PLEKHH1: variants seen among roughly 807,000 people sequenced by gnomAD.
PLEKHH1 encodes the protein pleckstrin homology domain-containing family H member 1.
A neutral mutation model predicts 160.0 loss-of-function variants in PLEKHH1; 104 were observed. That is an observed-to-expected ratio of 0.65 (90% confidence interval 0.55 to 0.76). The LOEUF is 0.76. PLEKHH1 is among the 30% of genes least tolerant of loss of function. The pLI, the probability that PLEKHH1 is intolerant of heterozygous loss-of-function variation, is 0.00. For synonymous variants in PLEKHH1, 619 were observed against 678.4 expected (o/e 0.91, Z 1.36); for missense variants, 1,427 against 1,724.1 (o/e 0.83, Z 3.05).
At chr14:67,551,854 C>T (rs538279877) in intron 2 of PLEKHH1, among the ~76,000 whole-genome samples, 4 of 151,582 alleles carry the variant, frequency 2.6e-5, no homozygotes, top group African/African-American at 4.8e-5. Context: ...CCAGCCTGGG[C>T]GACACAGTGA....
chr14:67,575,201 T>C (rs1252061675), intron 14 of PLEKHH1, among the ~76,000 whole-genome samples, 191 bp from the exon 15 acceptor site: 1 of 152,110 alleles, frequency 6.6e-6, no homozygotes, highest in African/African-American at 2.4e-5. Context: ...TAGCCCATGA[T>C]GGCTGGGGTG....
Position 67,589,484 on chromosome 14 carries a change from G to A in PLEKHH1, c.*2249G>A. ...TATTAATGTGCTTGACACCATGACTGAAATACTATGATCTTGTTTGTCAAT... is the reference window on the plus strand; with the variant it reads ...TATTAATGTGCTTGACACCATGACTAAAATACTATGATCTTGTTTGTCAAT... On this transcript the variant is annotated 3_prime_UTR_variant, in exon 29 of 29. Coordinates refer to ENST00000329153, the MANE Select transcript of PLEKHH1 (RefSeq NM_020715.3). 1 of 984,840 alleles carries A rather than the reference G, an allele frequency of 1.0e-6. No homozygotes were observed. Among genetic ancestry groups the A allele is most frequent in the Non-Finnish European group, 1.2e-6 (1 of 829,418 alleles). The allele number at this position is 984,840 out of a possible 1,614,324, so 61.0% of individuals were successfully genotyped here.
intron 5 of PLEKHH1, 56 bp from the exon 6 acceptor site, chr14:67,561,898 A>G: frequency 1.6e-6 from 2 of 1,289,070 alleles, no homozygotes; most frequent in Non-Finnish European, 1.1e-6. Context: ...AATTGAAAAA[A>G]TACATCTAAA....
chr14:67,561,872 A>G, intron 5 of PLEKHH1, 82 bp from the exon 6 acceptor site: 1 of 640,058 alleles, frequency 1.6e-6, no homozygotes. Context: ...CCTGTCTCAA[A>G]AAAAAAAAAA....
At chr14:67,534,205 C>T (rs1354602985) in intron 1 of PLEKHH1, among the ~76,000 whole-genome samples, 2 of 152,226 alleles carry the variant, frequency 1.3e-5, no homozygotes, top group African/African-American at 4.8e-5. Flanking sequence ...CATCACTGAA[C>T]GCTTTATAGA....
chr14:67,542,082 T>A, intron 2 of PLEKHH1, 89 bp downstream of exon 2: 1 of 1,245,190 alleles, frequency 8.0e-7, no homozygotes, highest in East Asian at 2.7e-5. Flanking sequence ...TTGCGGAAAG[T>A]CAACTTTCAG....
Position 67,573,750 on chromosome 14 carries a change from C to A in PLEKHH1, c.1840-51C>A. ...AAGATCTGAGGGTAAATGAGGTGCT[C>A]CGGAAAGGCTCCACATTCAGTGGCT... On this transcript the variant is annotated intron_variant, in intron 12 of 28. Transcript: ENST00000329153. The surrounding 1 kb of genome is among the most constrained non-coding windows in gnomAD (Gnocchi z 4.8). The A allele has an allele frequency of 8.4e-7, 1 of 1,196,958 alleles. No homozygotes were observed. The highest frequency in any genetic ancestry group is 1.2e-5 in the South Asian group (1 of 82,836). The allele number at this position is 1,196,958 out of a possible 1,614,324, so 74.1% of individuals were successfully genotyped here. A position where few individuals can be genotyped will look rare whatever the true frequency, so the allele number is the denominator to read the frequency against.
At chr14:67,561,639 G>A (rs1020944117) in intron 5 of PLEKHH1, among the ~76,000 whole-genome samples, 8 of 152,140 alleles carry the variant, frequency 5.3e-5, no homozygotes, top group South Asian at 2.1e-4. Flanking sequence ...AGGCTGAGGT[G>A]GGCAGATCGT....
Position 67,576,480 on chromosome 14 carries a change from T to A in PLEKHH1, c.2438T>A (p.Leu813Gln). 1 of 1,588,792 alleles carries A rather than the reference T, an allele frequency of 6.3e-7. No individual in the cohort carries two copies. Among genetic ancestry groups the A allele is most frequent in the Non-Finnish European group, 8.6e-7 (1 of 1,156,990 alleles). The change falls in exon 17 of 29, where the codon CTG becomes CAG. Residue 813 changes from leucine to glutamine, a missense_variant. Coordinates refer to ENST00000329153, the MANE Select transcript of PLEKHH1 (RefSeq NM_020715.3). The surrounding 1 kb of genome is among the most constrained non-coding windows in gnomAD (Gnocchi z 4.0). ...GTAYEQLIGK[L>Q]MDGEGDPDSP... ...GCCTATGAGCAGCTCATTGGAAAAC[T>A]GATGGATGGTGAAGGAGATCCAGGT...
chr14:67,558,943 G>A (rs1425497000), intron 4 of PLEKHH1, among the ~76,000 whole-genome samples: 1 of 152,240 alleles, frequency 6.6e-6, no homozygotes, highest in Non-Finnish European at 1.5e-5. Context: ...ACAAAAACAG[G>A]TCTGGGTGGG....
chr14:67,555,768 C>A, intron 2 of PLEKHH1, 57 bp from the exon 3 acceptor site: 1 of 1,597,846 alleles, frequency 6.3e-7, no homozygotes, highest in Non-Finnish European at 8.5e-7. Flanking sequence ...GGCCTTGATG[C>A]CGTGTTCACA....
intron 28 of PLEKHH1, chr14:67,586,402 C>T (rs562512693): frequency 1.1e-5 from 15 of 1,349,302 alleles, no homozygotes; most frequent in East Asian, 4.4e-5. Context: ...TGGGTGCTTA[C>T]GTGCTCTTCT....
chr14:67,534,605 C>T (rs2033623319), intron 1 of PLEKHH1, among the ~76,000 whole-genome samples: 1 of 152,090 alleles, frequency 6.6e-6, no homozygotes, highest in African/African-American at 2.4e-5. Context: ...ATGGTTCAGT[C>T]CACTTCTACC....
intron 5 of PLEKHH1, among the ~76,000 whole-genome samples, chr14:67,561,123 A>G (rs1004371614): frequency 4.6e-5 from 7 of 152,120 alleles, no homozygotes; most frequent in African/African-American, 1.4e-4. Flanking sequence ...CCTTCTTTGG[A>G]TGTACATCTC....
At chr14:67,564,463 T>C (rs1356658958) in intron 7 of PLEKHH1, among the ~76,000 whole-genome samples, 1 of 152,012 alleles carries the variant, frequency 6.6e-6, no homozygotes, top group Non-Finnish European at 1.5e-5. Context: ...GTGAGATCAT[T>C]CTTTTTTTAA....
intron 4 of PLEKHH1, among the ~76,000 whole-genome samples, chr14:67,557,890 T>C (rs2034658382): frequency 6.6e-6 from 1 of 152,230 alleles, no homozygotes; most frequent in Non-Finnish European, 1.5e-5. Flanking sequence ...TACTTGATAC[T>C]TGGCTGTAGT....
intron 2 of PLEKHH1, among the ~76,000 whole-genome samples, chr14:67,546,315 G>A (rs1010534835): frequency 6.6e-6 from 1 of 152,210 alleles, no homozygotes; most frequent in Non-Finnish European, 1.5e-5. Context: ...TGACGAAGCC[G>A]AATGGTGGAT....
intron 5 of PLEKHH1, among the ~76,000 whole-genome samples, chr14:67,560,618 T>G (rs1420852769): frequency 6.6e-6 from 1 of 152,198 alleles, no homozygotes; most frequent in Non-Finnish European, 1.5e-5. Flanking sequence ...TACCTTTATT[T>G]AGGAAACTCA....
At chr14:67,575,134 G>C (rs191544992) in intron 14 of PLEKHH1, among the ~76,000 whole-genome samples, 1 of 152,250 alleles carries the variant, frequency 6.6e-6, no homozygotes, top group Non-Finnish European at 1.5e-5. Context: ...CATATGCCTG[G>C]AGGGGACATC....
Sources: gnomAD v4.1 joint callset for allele counts (sites outside exome capture counted in the v4.1 genomes callset) on GRCh38, gnomAD v4.1.1 for gene constraint, Gnocchi (gnomAD v3.1) non-coding constraint, MANE v1.5 for transcripts, NCBI Gene and HGNC (gene_info 2026-07-23, HGNC 2026-07-21) for gene names.